The following PRKACB variants were observed in gnomAD, a reference collection of about 807,000 sequenced individuals.
The protein encoded by PRKACB is cAMP-dependent protein kinase catalytic subunit beta.
PRKACB carries 16 observed loss-of-function variants against 51.4 expected under a neutral mutation model. The ratio of observed to expected loss-of-function variants is 0.31; its 90% CI spans 0.21 to 0.47. The LOEUF (loss-of-function observed/expected upper bound fraction) is 0.47, where lower values mean the gene tolerates loss of function less well. Among genes scored for constraint, PRKACB ranks in the 20% least tolerant of loss-of-function variants. The pLI, the probability that PRKACB is intolerant of heterozygous loss-of-function variation, is 1.00. For synonymous variants in PRKACB, 147 were observed against 154.4 expected, an observed-to-expected ratio of 0.95 and a Z score of 0.35; for missense variants, 309 against 464.5, an observed-to-expected ratio of 0.67 and a Z score of 3.08.
chr1:84,105,090 GA>G lies in PRKACB; in HGVS notation c.46+26723del, dbSNP rs560268539. On this transcript the variant is annotated intron_variant, in intron 1 of 8. Transcript: ENST00000370688. ...TTTAGTTAGCAGAGCACAGCTGACT[GA>G]AAATTTCTTAAATACAATTCAGGAT... Among the ~76,000 whole-genome samples the G allele has an allele frequency of 5.6e-4, 86 of 152,302 alleles. 1 individual carries two copies. The South Asian group carries it at 0.017, about 30-fold the overall frequency.
chr1:84,105,599 A>T (rs955754631), intron 1 of PRKACB, among the ~76,000 whole-genome samples: 2 of 151,504 alleles, frequency 1.3e-5, no homozygotes, highest in Admixed American at 6.6e-5. Flanking sequence ...TTACTGAGAC[A>T]GGGTCTCCTT....
At chr1:84,180,433 G>A (rs1360385132) in intron 2 of PRKACB, among the ~76,000 whole-genome samples, 2 of 151,202 alleles carry the variant, frequency 1.3e-5, no homozygotes, top group Non-Finnish European at 3.0e-5. Context: ...GAATGGGAGG[G>A]AGGCAAGGGA....
chr1:84,182,993 T>C (rs372520074), intron 3 of PRKACB, among the ~76,000 whole-genome samples: 1 of 152,068 alleles, frequency 6.6e-6, no homozygotes, highest in East Asian at 1.9e-4. Flanking sequence ...GTTAGTTAAA[T>C]AAAAGGCCTA....
chr1:84,098,222 C>G (rs1480875736), intron 1 of PRKACB, among the ~76,000 whole-genome samples: 3 of 152,012 alleles, frequency 2.0e-5, no homozygotes, highest in African/African-American at 7.2e-5. Flanking sequence ...TATTATTTTG[C>G]AGAAATGTTA....
chr1:84,152,523 T>C (rs1654967841), intron 1 of PRKACB, among the ~76,000 whole-genome samples: 2 of 152,184 alleles, frequency 1.3e-5, no homozygotes, highest in Non-Finnish European at 2.9e-5. Context: ...GCCACCTTCA[T>C]CAATTATTTT....
At chr1:84,135,308 C>T (rs1402778384) in intron 1 of PRKACB, among the ~76,000 whole-genome samples, 2 of 152,142 alleles carry the variant, frequency 1.3e-5, no homozygotes, top group Non-Finnish European at 2.9e-5. Context: ...AAATGAAAAA[C>T]AGCCAACTCC....
intron 8 of PRKACB, among the ~76,000 whole-genome samples, chr1:84,210,825 T>C (rs1223833837): frequency 6.6e-6 from 1 of 152,186 alleles, no homozygotes; most frequent in East Asian, 1.9e-4. Flanking sequence ...AATTCCAGTT[T>C]GATAAATCAA....
chr1:84,124,106 A>G (rs536648624), intron 1 of PRKACB, among the ~76,000 whole-genome samples: 9 of 152,328 alleles, frequency 5.9e-5, no homozygotes, highest in African/African-American at 1.9e-4. Context: ...AATCAATTTA[A>G]AAACATTTAT....
At chr1:84,201,219 CT>C (rs1670014560) in intron 7 of PRKACB, among the ~76,000 whole-genome samples, 1 of 151,952 alleles carries the variant, frequency 6.6e-6, no homozygotes, top group African/African-American at 2.4e-5. Context: ...ACTGGGTATA[CT>C]CATTTTTAAA....
At chr1:84,195,309 A>G (rs1667903033) in intron 5 of PRKACB, among the ~76,000 whole-genome samples, 1 of 152,166 alleles carries the variant, frequency 6.6e-6, no homozygotes, top group Admixed American at 6.5e-5. Context: ...CTTTCAACAA[A>G]TATTTACTGA....
chr1:84,117,992 G>A (rs1220958230), intron 1 of PRKACB, among the ~76,000 whole-genome samples: 1 of 152,158 alleles, frequency 6.6e-6, no homozygotes, highest in African/African-American at 2.4e-5. Flanking sequence ...ATGCTTAGGT[G>A]GAGTGAGTGA....
At chr1:84,185,596 GA>G (rs1287295498) in intron 5 of PRKACB, among the ~76,000 whole-genome samples, 14 of 151,850 alleles carry the variant, frequency 9.2e-5, no homozygotes, top group Non-Finnish European at 2.1e-4. Flanking sequence ...ATGGTAATAA[GA>G]TTATAAAAGT....
chr1:84,078,205 C>A, exon 1 of PRKACB: 2 of 1,167,028 alleles, frequency 1.7e-6, no homozygotes, highest in Non-Finnish European at 1.2e-6. Flanking sequence ...CTGGCGCCAG[C>A]GCTAGGCGCA....
intron 1 of PRKACB, among the ~76,000 whole-genome samples, chr1:84,106,687 A>G (rs1437916860): frequency 6.6e-6 from 1 of 152,200 alleles, no homozygotes; most frequent in Admixed American, 6.6e-5. Flanking sequence ...GCCTAAAGCA[A>G]TTTACAGATT....
chr1:84,134,057 A>G (rs1051102710), intron 1 of PRKACB, among the ~76,000 whole-genome samples: 1 of 152,112 alleles, frequency 6.6e-6, no homozygotes, highest in African/African-American at 2.4e-5. Flanking sequence ...TGGAGTGGGA[A>G]AGTAGTCTCC....
At chr1:84,198,165 A>G (rs1668718158) in intron 7 of PRKACB, among the ~76,000 whole-genome samples, 1 of 152,158 alleles carries the variant, frequency 6.6e-6, no homozygotes, top group South Asian at 2.1e-4. Flanking sequence ...AGGTAAATCT[A>G]GAGATGATAT....
intron 1 of PRKACB, among the ~76,000 whole-genome samples, chr1:84,138,594 C>G (rs1160319002): frequency 1.3e-5 from 2 of 152,056 alleles, no homozygotes; most frequent in Non-Finnish European, 2.9e-5. Flanking sequence ...CTGGGAAATT[C>G]TACAAAACAT....
intron 2 of PRKACB, 129 bp downstream of exon 2, chr1:84,179,367 G>C (rs1662437655): frequency 1.8e-6 from 2 of 1,132,058 alleles, no homozygotes; most frequent in East Asian, 5.8e-5. Context: ...AGCTTAAAAT[G>C]GGAATTTTGC....
intron 1 of PRKACB, among the ~76,000 whole-genome samples, chr1:84,177,966 A>G (rs901322608): frequency 6.6e-6 from 1 of 152,032 alleles, no homozygotes; most frequent in African/African-American, 2.4e-5. Flanking sequence ...AATACAAAGG[A>G]CAGTTTATAG....
Sources: allele counts gnomAD v4.1 joint callset (sites outside exome capture counted in the v4.1 genomes callset), GRCh38; gene constraint gnomAD v4.1.1; transcripts MANE v1.5; gene names NCBI Gene and HGNC (gene_info 2026-07-23, HGNC 2026-07-21).